SUCLG2: variants seen among roughly 807,000 people sequenced by gnomAD.
SUCLG2 encodes succinate-CoA ligase GDP-forming subunit beta.
A neutral mutation model predicts 47.9 loss-of-function variants in SUCLG2; 42 were observed. The ratio of observed to expected loss-of-function variants is 0.88; its 90% CI spans 0.69 to 1.14. The LOEUF is 1.14. Among genes scored for constraint, SUCLG2 ranks in the 50% most tolerant of loss-of-function variants. The pLI, the probability that SUCLG2 is intolerant of heterozygous loss-of-function variation, is 0.00. For synonymous variants in SUCLG2, 195 were observed against 197.3 expected (o/e 0.99, Z 0.10); for missense variants, 571 against 525.9 (o/e 1.09, Z -0.84).
At position 67,475,718 on chromosome 3, in the gene SUCLG2, C is replaced by A. The variant is rs553690268; in HGVS notation, c.1062+20080G>T. On this transcript the variant is annotated intron_variant, in intron 9 of 10. Transcript: ENST00000307227. ...CCCCATAATTGATTTTCCTTCCCCT[C>A]CTTTTTTTTTTTTGAGAGCGAGATG... 2.6e-4 allele frequency among the ~76,000 whole-genome samples: 37 copies of A among 140,956 alleles called. No individual in the cohort carries two copies. In the South Asian group the frequency reaches 5.9e-3, roughly 23 times the overall value. The allele number at this position is 140,956 out of a possible 152,430, so 92.5% of individuals were successfully genotyped here.
chr3:67,546,190 C>T (rs897709682), intron 2 of SUCLG2, among the ~76,000 whole-genome samples: 7 of 152,136 alleles, frequency 4.6e-5, no homozygotes, highest in Non-Finnish European at 7.4e-5. Context: ...ATAAATTTTA[C>T]TTCTTGGAGT....
chr3:67,589,538 G>A (rs1708103443), intron 2 of SUCLG2, among the ~76,000 whole-genome samples: 1 of 152,166 alleles, frequency 6.6e-6, no homozygotes, highest in Non-Finnish European at 1.5e-5. Flanking sequence ...ACTTAACCAT[G>A]GAATGAGGTG....
At chr3:67,391,569 G>C (rs1575664299) in intron 10 of SUCLG2, among the ~76,000 whole-genome samples, 1 of 152,208 alleles carries the variant, frequency 6.6e-6, no homozygotes, top group Non-Finnish European at 1.5e-5. Context: ...GATGAGAGCA[G>C]TAATAATGCC....
intron 4 of SUCLG2, among the ~76,000 whole-genome samples, chr3:67,521,215 G>A (rs572316577): frequency 4.7e-4 from 71 of 152,276 alleles, no homozygotes; most frequent in African/African-American, 1.7e-3. Flanking sequence ...GAAAGTGAAA[G>A]CAGCTTCCTG....
intron 1 of SUCLG2, among the ~76,000 whole-genome samples, chr3:67,613,985 T>TGGGA: frequency 6.6e-6 from 1 of 152,160 alleles, no homozygotes; most frequent in East Asian, 1.9e-4. Context: ...CTCCAGGCTT[T>TGGGA]GGGAGGGAGG....
intron 1 of SUCLG2, among the ~76,000 whole-genome samples, chr3:67,623,929 T>C (rs1267231624): frequency 1.3e-5 from 2 of 152,226 alleles, no homozygotes; most frequent in Non-Finnish European, 2.9e-5. Flanking sequence ...GTCATCTCAA[T>C]GCATCAGATT....
intron 2 of SUCLG2, among the ~76,000 whole-genome samples, chr3:67,607,325 A>G (rs897244742): frequency 6.6e-6 from 1 of 152,214 alleles, no homozygotes; most frequent in East Asian, 1.9e-4. Flanking sequence ...AAAAATGAAC[A>G]CAAAATATCC....
At chr3:67,418,025 A>C (rs1287544586) in intron 9 of SUCLG2, among the ~76,000 whole-genome samples, 1 of 152,202 alleles carries the variant, frequency 6.6e-6, no homozygotes, top group Non-Finnish European at 1.5e-5. Flanking sequence ...CATGATCCTG[A>C]CTTCGAGGAG....
At chr3:67,531,369 C>T (rs1341807980) in intron 2 of SUCLG2, among the ~76,000 whole-genome samples, 1 of 152,188 alleles carries the variant, frequency 6.6e-6, no homozygotes, top group Admixed American at 6.5e-5. Context: ...GCTTTCCTCT[C>T]TGAGCTTTCC....
intron 9 of SUCLG2, among the ~76,000 whole-genome samples, chr3:67,422,504 G>A (rs373713686): frequency 0.15 from 6,547 of 44,112 alleles, 1 homozygote; most frequent in Non-Finnish European, 0.16. Context: ...AAAAAAAAAA[G>A]AACATTCAAC....
intron 2 of SUCLG2, among the ~76,000 whole-genome samples, chr3:67,550,912 CA>C (rs1706997627): frequency 6.7e-6 from 1 of 149,302 alleles, no homozygotes; most frequent in Non-Finnish European, 1.5e-5. Context: ...GGGGTGGGGG[CA>C]GGGGCGGCGG....
chr3:67,585,059 G>A (rs1299020591), intron 2 of SUCLG2, among the ~76,000 whole-genome samples: 2 of 152,102 alleles, frequency 1.3e-5, no homozygotes, highest in Non-Finnish European at 2.9e-5. Flanking sequence ...TAAATTTTAT[G>A]ATATACAATA....
At chr3:67,493,965 C>T (rs924545296) in intron 9 of SUCLG2, among the ~76,000 whole-genome samples, 1 of 152,192 alleles carries the variant, frequency 6.6e-6, no homozygotes, top group African/African-American at 2.4e-5. Context: ...ACTTCAATAA[C>T]TTGGCTATTC....
At chr3:67,500,005 A>T (rs1325439554) in intron 7 of SUCLG2, among the ~76,000 whole-genome samples, 2 of 152,280 alleles carry the variant, frequency 1.3e-5, no homozygotes, top group East Asian at 3.9e-4. Context: ...TGCTGGGATT[A>T]CAGGTGTGAG....
At chr3:67,451,325 G>A (rs1221917072) in intron 9 of SUCLG2, among the ~76,000 whole-genome samples, 3 of 152,092 alleles carry the variant, frequency 2.0e-5, no homozygotes, top group South Asian at 2.1e-4. Flanking sequence ...TAAATGAATC[G>A]ATATTTGCAA....
chr3:67,423,187 CTGAG>C (rs1415783965), intron 9 of SUCLG2, among the ~76,000 whole-genome samples: 1 of 152,094 alleles, frequency 6.6e-6, no homozygotes, highest in Non-Finnish European at 1.5e-5. Flanking sequence ...TCGTGTGACA[CTGAG>C]TGAGTCTCAC....
At chr3:67,637,253 C>T (rs182973453) in intron 1 of SUCLG2, among the ~76,000 whole-genome samples, 2 of 152,148 alleles carry the variant, frequency 1.3e-5, no homozygotes, top group Admixed American at 1.3e-4. Flanking sequence ...TAAAAAAGTG[C>T]CTTGAATCTT....
In SUCLG2 at chr3:67,511,129, T is replaced by G. The variant is rs141333866; in HGVS notation, c.661-2226A>C. On this transcript the variant is annotated intron_variant, in intron 6 of 10. Transcript: ENST00000307227. ...GTCTCAATCTCCTGACCTCGTAATC[T>G]GCCCACCTCAGCCTCCCAAAGGTGC... Among the ~76,000 whole-genome samples the G allele has an allele frequency of 7.1e-3, 999 of 140,122 alleles. 9 individuals are homozygous for G. Among genetic ancestry groups the G allele is most frequent in the African/African-American group, 0.029 (941 of 32,198 alleles). The allele number at this position is 140,122 out of a possible 152,430, so 91.9% of individuals were successfully genotyped here. A position where few individuals can be genotyped will look rare whatever the true frequency, so the allele number is the denominator to read the frequency against.
intron 9 of SUCLG2, among the ~76,000 whole-genome samples, chr3:67,444,237 A>G (rs1703863863): frequency 2.5e-5 from 1 of 39,356 alleles, no homozygotes; most frequent in Non-Finnish European, 5.3e-5. Flanking sequence ...CCTACTGGGA[A>G]GTGAGGAGCC....
Sources: allele counts gnomAD v4.1 joint callset (sites outside exome capture counted in the v4.1 genomes callset), GRCh38; gene constraint gnomAD v4.1.1; transcripts MANE v1.5; gene names NCBI Gene and HGNC (gene_info 2026-07-23, HGNC 2026-07-21).